The following CPS1 variants were observed in gnomAD, a reference collection of about 807,000 sequenced individuals.
The protein encoded by CPS1 is carbamoyl-phosphate synthase 1.
In CPS1, 109 loss-of-function variants were observed where a neutral mutation model predicts 174.6. The observed-to-expected ratio is 0.62, with a 90% CI of 0.53 to 0.73. CPS1 has a LOEUF of 0.73. Among genes scored for constraint, CPS1 ranks in the 30% least tolerant of loss-of-function variants. CPS1 has a pLI of 0.00. For missense variants in CPS1, 1,689 were observed against 1,821.9 expected (o/e 0.93, Z 1.33); for synonymous variants, 637 against 632.0 (o/e 1.01, Z -0.12).
intron 16 of CPS1, among the ~76,000 whole-genome samples, chr2:210,603,226 T>C (rs1698787903): frequency 6.6e-6 from 1 of 151,914 alleles, no homozygotes; most frequent in African/African-American, 2.4e-5. Flanking sequence ...TTTTGGGAAT[T>C]ATTTAGGAAA....
At chr2:210,488,326 A>G (rs755814968) in intron 1 of CPS1, among the ~76,000 whole-genome samples, 2 of 152,300 alleles carry the variant, frequency 1.3e-5, no homozygotes, top group South Asian at 2.1e-4. Context: ...AGGGAAGAAG[A>G]GTCAGTTGTC....
At chr2:210,486,102 A>G (rs1694708890) in intron 1 of CPS1, among the ~76,000 whole-genome samples, 1 of 109,626 alleles carries the variant, frequency 9.1e-6, no homozygotes, top group Admixed American at 1.1e-4. Context: ...ACATATATAT[A>G]TACACACACA....
chr2:210,642,272 A>G (rs1177601363), intron 24 of CPS1, among the ~76,000 whole-genome samples: 1 of 152,244 alleles, frequency 6.6e-6, no homozygotes, highest in Non-Finnish European at 1.5e-5. Flanking sequence ...GACAAGCCCA[A>G]TATTTCCTTG....
At chr2:210,554,836 TACAC>T (rs3060397), upstream of CPS1, among the ~76,000 whole-genome samples, 356 of 147,498 alleles carry the variant, frequency 2.4e-3, 1 homozygote, top group African/African-American at 4.0e-3. Context: ...CAACCCTCAC[TACAC>T]ACACACACAC....
At chr2:210,639,034 G>T (rs1700125226) in intron 22 of CPS1, 116 bp from the exon 23 acceptor site, 2 of 768,246 alleles carry the variant, frequency 2.6e-6, no homozygotes, top group Non-Finnish European at 4.5e-6. Context: ...TTTCCTGTTT[G>T]CATACTTTAC....
chr2:210,628,319 G>A (rs1406909749), intron 21 of CPS1, among the ~76,000 whole-genome samples: 1 of 152,142 alleles, frequency 6.6e-6, no homozygotes, highest in Admixed American at 6.5e-5. Context: ...TGCTTTCCAT[G>A]TAGGTAGTAA....
intron 1 of CPS1, among the ~76,000 whole-genome samples, chr2:210,539,781 A>G (rs187717734): frequency 2.3e-4 from 35 of 152,100 alleles, no homozygotes; most frequent in Admixed American, 1.3e-4. Flanking sequence ...GTTATGATCT[A>G]CCTGCAGTGG....
chr2:210,523,749 G>A (rs540949680), intron 1 of CPS1, among the ~76,000 whole-genome samples: 1 of 152,114 alleles, frequency 6.6e-6, no homozygotes, highest in Non-Finnish European at 1.5e-5. Flanking sequence ...GAATGTTCAT[G>A]CAGGCACATA....
At chr2:210,639,288 T>C in intron 23 of CPS1, 73 bp downstream of exon 23, 1 of 1,184,066 alleles carries the variant, frequency 8.4e-7, no homozygotes, top group Admixed American at 1.8e-5. Flanking sequence ...GAATATATAT[T>C]TTTTACCTCT....
At chr2:210,539,306 C>T (rs1260153990) in intron 1 of CPS1, among the ~76,000 whole-genome samples, 3 of 152,156 alleles carry the variant, frequency 2.0e-5, no homozygotes, top group African/African-American at 7.2e-5. Flanking sequence ...TTGATCTTTT[C>T]ATCTTCTGCA....
At chr2:210,535,301 A>G (rs1398158860) in intron 1 of CPS1, among the ~76,000 whole-genome samples, 1 of 152,064 alleles carries the variant, frequency 6.6e-6, no homozygotes, top group African/African-American at 2.4e-5. Flanking sequence ...ATGCTTTGAG[A>G]GCAGGTTAGG....
At chr2:210,587,925 C>A in intron 6 of CPS1, 133 bp from the exon 7 acceptor site, 1 of 819,890 alleles carries the variant, frequency 1.2e-6, no homozygotes, top group Non-Finnish European at 2.2e-6. Context: ...TGTTAACTGC[C>A]AGTCACTCCC....
At chr2:210,588,633 C>T in intron 7 of CPS1, among the ~76,000 whole-genome samples, 2 of 152,070 alleles carry the variant, frequency 1.3e-5, no homozygotes, top group Non-Finnish European at 2.9e-5. Context: ...GAGAACTTAA[C>T]CATCATAATA....
At chr2:210,564,055 A>C (rs894958934) in intron 1 of CPS1, among the ~76,000 whole-genome samples, 1 of 152,222 alleles carries the variant, frequency 6.6e-6, no homozygotes, top group Admixed American at 6.5e-5. Context: ...ATATATCCAT[A>C]AATGTAGGCT....
intron 21 of CPS1, among the ~76,000 whole-genome samples, chr2:210,627,387 T>C (rs1191124695): frequency 6.6e-6 from 1 of 152,182 alleles, no homozygotes; most frequent in Non-Finnish European, 1.5e-5. Context: ...ATACCTTGCC[T>C]TCCATGTTTA....
intron 14 of CPS1, among the ~76,000 whole-genome samples, chr2:210,600,331 A>G (rs1324610534): frequency 3.3e-5 from 5 of 151,842 alleles, no homozygotes; most frequent in African/African-American, 1.2e-4. Context: ...GATAAAAATG[A>G]TTTTCAGAAG....
In CPS1 at chr2:210,677,024, G is replaced by T. The variant is rs754446815; in HGVS notation, c.4292G>T (p.Ser1431Ile). The part of the protein sequence containing the change: ...SSIRKLIRDG[S>I]IDLVINLPNN... Reference sequence around the variant, plus strand: ...TTTTCCAGATTGATTAGAGATGGCAGCATTGACCTAGTGATTAACCTTCCC... The same window carrying T: ...TTTTCCAGATTGATTAGAGATGGCATCATTGACCTAGTGATTAACCTTCCC... The change falls in exon 37 of 38, where the codon AGC (serine) becomes ATC (isoleucine). Residue 1431 changes from serine to isoleucine, a missense_variant. By Grantham distance (142) the Ser-to-Ile change is moderately radical. Coordinates refer to ENST00000233072, the MANE Select transcript of CPS1 (RefSeq NM_001875.5). 6.2e-7 allele frequency: 1 copy of T among 1,613,594 alleles called. No individual in the cohort carries two copies.
chr2:210,645,749 C>G (rs146799124), intron 25 of CPS1, among the ~76,000 whole-genome samples: 1 of 152,178 alleles, frequency 6.6e-6, no homozygotes, highest in Non-Finnish European at 1.5e-5. Context: ...TGCCACTGCA[C>G]TCCAGCGTTC....
At position 210,626,008 on chromosome 2, in the gene CPS1, T is replaced by C. The variant is rs533828658; in HGVS notation, c.2687+9467T>C. Among the ~76,000 whole-genome samples, 59 of 152,142 alleles carry C rather than the reference T, an allele frequency of 3.9e-4. 1 individual carries two copies. The highest frequency in any genetic ancestry group is 7.8e-4 in the Non-Finnish European group (53 of 67,982). ...GTCTTACTTCATTGTTCCGTAAATATTGCATATATCCTAATATCATCCCCC... is the reference window on the plus strand; with the variant it reads ...GTCTTACTTCATTGTTCCGTAAATACTGCATATATCCTAATATCATCCCCC... On this transcript the variant is annotated intron_variant, in intron 21 of 37. Transcript: ENST00000233072.
Sources: gnomAD v4.1 joint callset for allele counts (sites outside exome capture counted in the v4.1 genomes callset) on GRCh38, gnomAD v4.1.1 for gene constraint, MANE v1.5 for transcripts, NCBI Gene and HGNC (gene_info 2026-07-23, HGNC 2026-07-21) for gene names.